NCKAP5: variants seen among roughly 807,000 people sequenced by gnomAD.
NCKAP5 encodes the protein NCK associated protein 5.
In NCKAP5, 92 loss-of-function variants were observed where a neutral mutation model predicts 167.0. The ratio of observed to expected loss-of-function variants is 0.55; its 90% CI spans 0.47 to 0.66. The LOEUF (loss-of-function observed/expected upper bound fraction) is 0.66, where lower values mean the gene tolerates loss of function less well. Ranked by LOEUF, NCKAP5 falls within the 30% of genes least tolerant of loss-of-function variation. The probability of loss-of-function intolerance (pLI) is 0.00; values close to 1 mark genes in which losing one functional copy is unlikely to be tolerated. For missense variants in NCKAP5, 2,378 were observed against 2,315.0 expected, an observed-to-expected ratio of 1.03 and a Z score of -0.56; for synonymous variants, 891 against 877.4, an observed-to-expected ratio of 1.02 and a Z score of -0.27.
At chr2:133,168,379 C>T (rs542560076) in intron 5 of NCKAP5, among the ~76,000 whole-genome samples, 100 of 151,844 alleles carry the variant, frequency 6.6e-4, no homozygotes, top group African/African-American at 2.2e-3. Flanking sequence ...CAACACTTTC[C>T]CTAATGGACT....
Position 132,878,957 on chromosome 2 carries a change from A to T in NCKAP5, c.580-41T>A, listed in dbSNP as rs534217457. On this transcript the variant is annotated intron_variant, in intron 8 of 19. Transcript: ENST00000409261. ...AAAATAACACAAATAAATCAATGAA[A>T]TGTTGTGTTATGTGACAACTTATTC... 589 of 1,464,456 alleles carry T rather than the reference A, an allele frequency of 4.0e-4. 1 individual carries two copies. In the South Asian group the frequency reaches 4.4e-3, roughly 11 times the overall value. 90.7% of individuals were successfully genotyped at this position (1,464,456 alleles called of 1,614,324 possible). A position where few individuals can be genotyped will look rare whatever the true frequency, so the allele number is the denominator to read the frequency against.
intron 2 of NCKAP5, among the ~76,000 whole-genome samples, chr2:133,540,511 A>G (rs1686135115): frequency 6.6e-6 from 1 of 152,228 alleles, no homozygotes. Flanking sequence ...CCTTCCCCAG[A>G]CACTCACTAA....
At chr2:132,873,280 T>C in intron 9 of NCKAP5, among the ~76,000 whole-genome samples, 1 of 151,886 alleles carries the variant, frequency 6.6e-6, no homozygotes. Flanking sequence ...ATTTTATTTA[T>C]TTTTTTGTAT....
intron 16 of NCKAP5, among the ~76,000 whole-genome samples, chr2:132,769,908 A>G (rs10165518): frequency 0.14 from 22,020 of 152,256 alleles, 1,682 homozygotes; most frequent in East Asian, 0.18. Flanking sequence ...ACAAAAAGCT[A>G]GCATGGTAAT....
chr2:132,914,822 C>T (rs1694736806), intron 8 of NCKAP5, among the ~76,000 whole-genome samples: 1 of 151,868 alleles, frequency 6.6e-6, no homozygotes, highest in Non-Finnish European at 1.5e-5. Flanking sequence ...AAAAGCCTAT[C>T]AGGAGGAAGT....
intron 10 of NCKAP5, among the ~76,000 whole-genome samples, chr2:132,862,528 T>C (rs1014369374): frequency 6.6e-6 from 1 of 152,144 alleles, no homozygotes; most frequent in East Asian, 1.9e-4. Context: ...CAGAGGCCAT[T>C]GTGAGGACCC....
At chr2:132,690,407 T>G (rs1389770577) in intron 19 of NCKAP5, among the ~76,000 whole-genome samples, 1 of 152,232 alleles carries the variant, frequency 6.6e-6, no homozygotes, top group African/African-American at 2.4e-5. Flanking sequence ...CTTACTTGTT[T>G]TTATTCACCT....
chr2:133,430,624 T>C (rs373103768), intron 3 of NCKAP5, among the ~76,000 whole-genome samples: 2 of 152,138 alleles, frequency 1.3e-5, no homozygotes, highest in African/African-American at 4.8e-5. Context: ...ATTTATTGAA[T>C]AGGGAGTCCT....
At chr2:133,066,277 C>G (rs1014296797) in intron 6 of NCKAP5, among the ~76,000 whole-genome samples, 4 of 152,176 alleles carry the variant, frequency 2.6e-5, no homozygotes, top group African/African-American at 7.2e-5. Flanking sequence ...ATTGAGCCAG[C>G]CTTGTCATCA....
chr2:132,941,012 CA>C (rs1296348664), intron 8 of NCKAP5, among the ~76,000 whole-genome samples: 12 of 151,972 alleles, frequency 7.9e-5, no homozygotes, highest in Non-Finnish European at 1.2e-4. Flanking sequence ...TCATTTGCTA[CA>C]TAAAGGAAAA....
chr2:132,876,518 A>G (rs1402367166), intron 9 of NCKAP5, among the ~76,000 whole-genome samples: 1 of 152,258 alleles, frequency 6.6e-6, no homozygotes, highest in Non-Finnish European at 1.5e-5. Context: ...AAAAACCTTG[A>G]AAAGAATTTC....
At chr2:133,178,020 G>A (rs1453568780) in intron 5 of NCKAP5, among the ~76,000 whole-genome samples, 1 of 152,164 alleles carries the variant, frequency 6.6e-6, no homozygotes, top group Admixed American at 6.5e-5. Context: ...GGGGTGCAGG[G>A]TAGCTGTGGA....
chr2:133,212,525 G>A (rs374585852), intron 5 of NCKAP5, among the ~76,000 whole-genome samples: 9 of 151,924 alleles, frequency 5.9e-5, no homozygotes, highest in South Asian at 2.1e-4. Context: ...CCACCACCAC[G>A]CCCAGCTAAT....
chr2:133,061,094 A>G (rs2079984739), intron 6 of NCKAP5, among the ~76,000 whole-genome samples: 1 of 152,042 alleles, frequency 6.6e-6, no homozygotes, highest in South Asian at 2.1e-4. Flanking sequence ...CAACAACAAA[A>G]AAACCTATTT....
chr2:132,966,808 G>C (rs11904636), intron 7 of NCKAP5, among the ~76,000 whole-genome samples: 67 of 152,234 alleles, frequency 4.4e-4, no homozygotes, highest in Admixed American at 1.9e-3. Flanking sequence ...ATCACAGCCT[G>C]CATGTGGTTA....
chr2:132,920,771 GTATATATATATATATATATATATATATA>G lies in NCKAP5; in HGVS notation c.580-41883_580-41856del, dbSNP rs55895538. Among the ~76,000 whole-genome samples the G allele has an allele frequency of 7.3e-4, 23 of 31,580 alleles. 4 individuals carry two copies. The highest frequency in any genetic ancestry group is 1.5e-3 in the South Asian group (1 of 660). The allele number at this position is 31,580 out of a possible 152,430, so 20.7% of individuals were successfully genotyped here. A position where few individuals can be genotyped will look rare whatever the true frequency, so the allele number is the denominator to read the frequency against. On this transcript the variant is annotated intron_variant, in intron 8 of 19. Coordinates refer to ENST00000409261, the MANE Select transcript of NCKAP5 (RefSeq NM_207363.3). ...TATATATATATGTATATATATGTATGTATATATATATATATATATATATATATATATATATATATATATATATGGAAGA... is the reference window on the plus strand; with the variant it reads ...TATATATATATGTATATATATGTATGTATATATATATATATATATGGAAGA...
the NCKAP5 span, among the ~76,000 whole-genome samples, chr2:133,648,409 A>G: frequency 6.6e-6 from 1 of 152,182 alleles, no homozygotes; most frequent in East Asian, 1.9e-4. Context: ...AATCAAATGT[A>G]TCTAACAGAC....
chr2:133,304,959 T>C (rs966862366), intron 3 of NCKAP5, among the ~76,000 whole-genome samples: 5 of 152,160 alleles, frequency 3.3e-5, no homozygotes, highest in Non-Finnish European at 5.9e-5. Context: ...AAGCAAGTGA[T>C]ATTTGAGCTA....
chr2:133,207,973 G>T (rs1337196033), intron 5 of NCKAP5, among the ~76,000 whole-genome samples: 1 of 152,098 alleles, frequency 6.6e-6, no homozygotes, highest in Non-Finnish European at 1.5e-5. Context: ...TGGTGGGGTG[G>T]CAAAGAGTAA....
Sources: gnomAD v4.1 joint callset for allele counts (sites outside exome capture counted in the v4.1 genomes callset) on GRCh38, gnomAD v4.1.1 for gene constraint, MANE v1.5 for transcripts, NCBI Gene and HGNC (gene_info 2026-07-23, HGNC 2026-07-21) for gene names.